CFAP99: variants seen among roughly 807,000 people sequenced by gnomAD.
CFAP99 encodes cilia and flagella associated protein 99, also known as cilia- and flagella-associated protein 99.
In CFAP99, 84 loss-of-function variants were observed where a neutral mutation model predicts 82.7. The ratio of observed to expected loss-of-function variants is 1.02; its 90% CI spans 0.85 to 1.22. CFAP99 has a LOEUF of 1.22. Ranked by LOEUF, CFAP99 falls within the 50% of genes most tolerant of loss-of-function variation. CFAP99 has a pLI of 0.00. For synonymous variants in CFAP99, 456 were observed against 429.5 expected, an observed-to-expected ratio of 1.06 and a Z score of -0.76; for missense variants, 1,059 against 983.5, an observed-to-expected ratio of 1.08 and a Z score of -1.03.
downstream of CFAP99, chr4:2,462,998 C>T (rs1315124838): frequency 3.5e-6 from 3 of 858,518 alleles, no homozygotes; most frequent in Non-Finnish European, 3.1e-6. The surrounding 1 kb of genome is among the most constrained non-coding windows in gnomAD (Gnocchi z 4.1). Context: ...GAGTGCGGCC[C>T]GCGGTGCGCG....
chr4:2,460,137 G>A lies in CFAP99; in HGVS notation c.1556G>A (p.Arg519Gln), dbSNP rs778474452. 153 of 1,536,114 alleles carry A rather than the reference G, an allele frequency of 1.0e-4. No individual in the cohort carries two copies. The African/African-American group carries it at 1.1e-3, about 11-fold the overall frequency. ...CAGCGGCGCAAGGAGGAAGAAAAGC[G>A]GGATCAAATCATTCAGGGCAAGCAC... Residue 519 changes from arginine to glutamine, a missense_variant, in exon 14 of 15, where the codon CGG becomes CAG. Arg to Gln is a conservative substitution (Grantham distance 43). Transcript: ENST00000635017.
At chr4:2,450,781 A>G (rs1734282140) in intron 8 of CFAP99, among the ~76,000 whole-genome samples, 166 bp from the exon 9 acceptor site, 1 of 152,258 alleles carries the variant, frequency 6.6e-6, no homozygotes, top group African/African-American at 2.4e-5. Flanking sequence ...ATTGGAAGAT[A>G]GAGACCCTGA....
rs1734172271 is a variant in CFAP99, at chr4:2,446,634, C to T, written c.642+1326C>T. Among the ~76,000 whole-genome samples, 1 of 152,202 alleles carries T rather than the reference C, an allele frequency of 6.6e-6. No individual in the cohort carries two copies. The highest frequency in any genetic ancestry group is 2.4e-5 in the African/African-American group (1 of 41,432). The stretch of plus-strand genomic sequence containing the variant: ...TCCCTAACTGACCTCAGGTGATCTG[C>T]CCACCTAGGCCTCCCAAAGTGCTGG... On this transcript the variant is annotated intron_variant, in intron 6 of 14. Transcript: ENST00000635017. The surrounding 1 kb of genome is among the most constrained non-coding windows in gnomAD (Gnocchi z 5.0).
intron 7 of CFAP99, 32 bp from the exon 8 acceptor site, chr4:2,449,902 G>A (rs1734261298): frequency 3.3e-6 from 5 of 1,535,858 alleles, no homozygotes; most frequent in Non-Finnish European, 8.7e-7. Context: ...GCAGAGGCTG[G>A]TGGGACTGGA....
Position 2,459,256 on chromosome 4 carries a change from C to A in CFAP99, c.1453C>A (p.Gln485Lys), listed in dbSNP as rs763133570. ...CAAGGGCAAGCTCGTGGACCTGACC[C>A]AGGTGAGGATGCAGTCCTGGACGGG... Residue 485 changes from glutamine (Q) to lysine (K), a missense_variant and splice_region_variant, in exon 13 of 15, where the codon CAG (glutamine) becomes AAG (lysine). By Grantham distance (53) the Gln-to-Lys change is moderately conservative. Transcript: ENST00000635017. The A allele has an allele frequency of 1.3e-4, 204 of 1,532,260 alleles. No individual in the cohort carries two copies. The highest frequency in any genetic ancestry group is 1.8e-4 in the Non-Finnish European group (201 of 1,144,962). The allele number at this position is 1,532,260 out of a possible 1,614,324, so 94.9% of individuals were successfully genotyped here.
At chr4:2,444,699 G>C (rs540547079) in intron 5 of CFAP99, among the ~76,000 whole-genome samples, 1 of 152,316 alleles carries the variant, frequency 6.6e-6, no homozygotes, top group East Asian at 1.9e-4. Flanking sequence ...ATTTCCAGGA[G>C]TCACCAACAG....
In CFAP99 at chr4:2,437,539, G is replaced by A. The variant is rs1352242753; in HGVS notation, c.256+521G>A. ...CCCTGCACAGGGTCTTGCTGCCCCC[G>A]TCCAGGAAGGGAGAGGAGTGGGGCG... On this transcript the variant is annotated intron_variant, in intron 3 of 14. Coordinates refer to ENST00000635017, the Ensembl canonical transcript of CFAP99. Among the ~76,000 whole-genome samples the A allele has an allele frequency of 3.3e-5, 5 of 152,200 alleles. No individual in the cohort carries two copies. The East Asian group carries it at 7.7e-4, about 23-fold the overall frequency.
chr4:2,441,079 T>A (rs1047138480), intron 4 of CFAP99, among the ~76,000 whole-genome samples: 6 of 148,724 alleles, frequency 4.0e-5, no homozygotes, highest in African/African-American at 1.2e-4. Flanking sequence ...ATAATAATAA[T>A]ATAATAATAA....
At chr4:2,454,461 T>C (rs1210244968) in intron 11 of CFAP99, among the ~76,000 whole-genome samples, 1 of 151,834 alleles carries the variant, frequency 6.6e-6, no homozygotes, top group East Asian at 1.9e-4. Context: ...GGAATACAAA[T>C]ACATTGTGGA....
Position 2,459,182 on chromosome 4 carries a change from G to A in CFAP99, c.1379G>A (p.Arg460His), listed in dbSNP as rs1410416352. Residue 460 changes from arginine to histidine, a missense_variant, in exon 13 of 15, where the codon CGT (arginine) becomes CAT (histidine). Transcript: ENST00000635017. ...GCAGCCCAGGAGGAGCAGCGGCGCC[G>A]TTGTGAACTCATCTCCCAGCTGCGC... 7.8e-6 allele frequency: 12 copies of A among 1,535,570 alleles called. No individual in the cohort carries two copies. Among genetic ancestry groups the A allele is most frequent in the Middle Eastern group, 1.7e-4 (1 of 6,010 alleles).
intron 4 of CFAP99, among the ~76,000 whole-genome samples, chr4:2,440,489 C>T (rs1328966816): frequency 2.0e-5 from 3 of 150,556 alleles, no homozygotes; most frequent in Admixed American, 6.6e-5. Context: ...TGGTGCCTCA[C>T]GCCTGTAATC....
chr4:2,447,442 T>C (rs543137901), intron 6 of CFAP99, among the ~76,000 whole-genome samples: 1 of 150,096 alleles, frequency 6.7e-6, no homozygotes, highest in South Asian at 2.1e-4. Context: ...GTTGGATGGA[T>C]AGATGATCAA....
At chr4:2,457,951 AG>A (rs1395979719) in intron 11 of CFAP99, among the ~76,000 whole-genome samples, 2 of 152,244 alleles carry the variant, frequency 1.3e-5, no homozygotes, top group African/African-American at 2.4e-5. Context: ...GGGAGCTGCC[AG>A]GGTGGCAGAG....
chr4:2,436,051 C>T (rs1029583999), intron 2 of CFAP99, among the ~76,000 whole-genome samples: 4 of 148,568 alleles, frequency 2.7e-5, no homozygotes, highest in Non-Finnish European at 5.9e-5. Context: ...CCAGCCTGGA[C>T]GACAGAGTGA....
chr4:2,438,175 C>T lies in CFAP99; in HGVS notation c.351+11C>T. On this transcript the variant is annotated intron_variant, in intron 4 of 14. Coordinates refer to ENST00000635017, the Ensembl canonical transcript of CFAP99. ...GATAAGATGTGCAAGGTGAGCCACC[C>T]CTACCTGCCCACCAGGCCACGAGGC... 1 of 1,498,996 alleles carries T rather than the reference C, an allele frequency of 6.7e-7. No individual in the cohort carries two copies. The highest frequency in any genetic ancestry group is 9.0e-7 in the Non-Finnish European group (1 of 1,113,474). 92.9% of individuals were successfully genotyped at this position (1,498,996 alleles called of 1,614,324 possible). A position where few individuals can be genotyped will look rare whatever the true frequency, so the allele number is the denominator to read the frequency against.
At position 2,455,081 on chromosome 4, in the gene CFAP99, G is replaced by A. The variant is rs181492906; in HGVS notation, c.1161+2735G>A. ...ACTGCAGGCGTGCACCACCTTTTTA[G>A]GAGAGACACAGTTTCGCCATGTTGC... On this transcript the variant is annotated intron_variant, in intron 11 of 14. Transcript: ENST00000635017. Among the ~76,000 whole-genome samples the A allele has an allele frequency of 9.9e-5, 15 of 152,250 alleles. No homozygotes were observed. In the East Asian group the frequency reaches 2.5e-3, roughly 25 times the overall value.
intron 4 of CFAP99, among the ~76,000 whole-genome samples, chr4:2,439,168 C>A (rs1428976848): frequency 6.6e-6 from 1 of 152,250 alleles, no homozygotes; most frequent in Non-Finnish European, 1.5e-5. Context: ...TCCATTCTTA[C>A]AACGACCCAG....
chr4:2,421,858 A>C (rs1185011723), intron 1 of CFAP99, among the ~76,000 whole-genome samples: 1 of 150,960 alleles, frequency 6.6e-6, no homozygotes, highest in Non-Finnish European at 1.5e-5. Context: ...CCTGGGCAAC[A>C]TAGTAAGACC....
chr4:2,420,601 T>C (rs190189535), intron 1 of CFAP99, among the ~76,000 whole-genome samples: 1 of 152,296 alleles, frequency 6.6e-6, no homozygotes, highest in Non-Finnish European at 1.5e-5. Context: ...AAATTGTGCA[T>C]GGGATGAAGG....
Sources: allele counts gnomAD v4.1 joint callset (sites outside exome capture counted in the v4.1 genomes callset), GRCh38; gene constraint gnomAD v4.1.1; non-coding constraint Gnocchi (gnomAD v3.1); transcripts MANE v1.5; gene names NCBI Gene and HGNC (gene_info 2026-07-23, HGNC 2026-07-21).